The following LARP4B variants were observed in gnomAD, a reference collection of about 807,000 sequenced individuals.
LARP4B encodes La ribonucleoprotein 4B, also known as la-related protein 4B.
A neutral mutation model predicts 89.8 loss-of-function variants in LARP4B; 12 were observed. The ratio of observed to expected loss-of-function variants is 0.13; its 90% CI spans 0.09 to 0.22. The LOEUF (loss-of-function observed/expected upper bound fraction) is 0.22, where lower values mean the gene tolerates loss of function less well. LARP4B is among the 10% of genes least tolerant of loss of function. The pLI is 1.00. For missense variants in LARP4B, 757 were observed against 947.7 expected, an observed-to-expected ratio of 0.80 and a Z score of 2.64; for synonymous variants, 367 against 363.3, an observed-to-expected ratio of 1.01 and a Z score of -0.12.
chr10:814,793 G>A lies in LARP4B; in HGVS notation c.1878C>T (p.Ser626=), dbSNP rs778928735. 13 of 1,605,040 alleles carry A rather than the reference G, an allele frequency of 8.1e-6. No homozygotes were observed. Among genetic ancestry groups the A allele is most frequent in the East Asian group, 6.7e-5 (3 of 44,446 alleles). Residue 626 remains serine, a synonymous_variant, in exon 17 of 18, where the codon TCC becomes TCT. Transcript: ENST00000316157. The surrounding 1 kb of genome is among the most constrained non-coding windows in gnomAD (Gnocchi z 4.4). ...ATTTACACGCGGTCGCAGTGAGGGC[G>A]GAAGGAAGTCTGTCCACACTGTGGG... The part of the protein sequence containing the change: ...RETHSVDRLP[S]ALTATACKSV...
At chr10:907,715 T>C (rs148625504) in intron 1 of LARP4B, among the ~76,000 whole-genome samples, 1 of 152,324 alleles carries the variant, frequency 6.6e-6, no homozygotes, top group East Asian at 1.9e-4. Flanking sequence ...AAATGTCTTT[T>C]TGTATACTAA....
At position 859,215 on chromosome 10, in the gene LARP4B, G is replaced by A. The variant is rs150095471; in HGVS notation, c.430+4528C>T. On this transcript the variant is annotated intron_variant, in intron 5 of 17. Coordinates refer to ENST00000316157, the MANE Select transcript of LARP4B (RefSeq NM_015155.3). ...AATTGCTTGAACCCGGGAGGTGGAC[G>A]TTGTAGTGAGCTGAGATTGCTCCAG... Among the ~76,000 whole-genome samples the A allele has an allele frequency of 7.9e-3, 1,197 of 150,890 alleles. 17 individuals are homozygous for A. The highest frequency in any genetic ancestry group is 0.027 in the African/African-American group (1,126 of 41,060).
At chr10:987,812 G>A in the LARP4B span, 1 of 152,354 alleles carries the variant, frequency 6.6e-6, no homozygotes, top group Non-Finnish European at 1.5e-5. Flanking sequence ...CGCGGAACCA[G>A]CTGCACCTCT....
intron 1 of LARP4B, among the ~76,000 whole-genome samples, chr10:902,795 C>G (rs535401596): frequency 5.4e-4 from 82 of 152,194 alleles, no homozygotes; most frequent in Middle Eastern, 6.8e-3. Flanking sequence ...CAGGTGTGCA[C>G]CACCACACTC....
intron 11 of LARP4B, 150 bp downstream of exon 11, chr10:829,235 T>C (rs1017919355): frequency 2.9e-4 from 197 of 687,346 alleles, no homozygotes; most frequent in East Asian, 1.9e-4. Context: ...TGTTCTCAGC[T>C]ACATTTAAAA....
chr10:978,323 A>G, the LARP4B span, among the ~76,000 whole-genome samples: 1 of 152,122 alleles, frequency 6.6e-6, no homozygotes, highest in African/African-American at 2.4e-5. Flanking sequence ...TTGTAAGTCA[A>G]TTTTCGCATT....
At chr10:895,012 CCT>C (rs1836144095) in intron 1 of LARP4B, among the ~76,000 whole-genome samples, 3 of 152,078 alleles carry the variant, frequency 2.0e-5, no homozygotes, top group African/African-American at 7.2e-5. Flanking sequence ...ACAGTGAAAC[CCT>C]GTCTCTACTA....
At chr10:913,600 A>G (rs921002355) in intron 1 of LARP4B, among the ~76,000 whole-genome samples, 2 of 152,234 alleles carry the variant, frequency 1.3e-5, no homozygotes, top group Admixed American at 6.5e-5. Flanking sequence ...AATTGAGATG[A>G]TGGCTAACTT....
chr10:807,594 G>A (rs903964053), downstream of LARP4B: 2 of 152,362 alleles, frequency 1.3e-5, no homozygotes, highest in African/African-American at 4.8e-5. Context: ...ACGCCTGCAG[G>A]GAGGCCCAGC....
At chr10:929,734 A>C (rs1244024408) in intron 1 of LARP4B, among the ~76,000 whole-genome samples, 1 of 152,222 alleles carries the variant, frequency 6.6e-6, no homozygotes, top group African/African-American at 2.4e-5. Flanking sequence ...AGGCAACACG[A>C]GGGTAACTTC....
intron 1 of LARP4B, among the ~76,000 whole-genome samples, chr10:926,727 A>T (rs1247185999): frequency 1.3e-5 from 2 of 152,238 alleles, no homozygotes; most frequent in Non-Finnish European, 2.9e-5. Flanking sequence ...AAAACTAAGC[A>T]GTACGCTTTC....
At chr10:951,890 A>C in the LARP4B span, among the ~76,000 whole-genome samples, 3 of 147,884 alleles carry the variant, frequency 2.0e-5, no homozygotes. Context: ...AACCTTTAAA[A>C]GGAAGAAATC....
rs1381912743 is a variant in LARP4B, at chr10:863,829, T to C, written c.344A>G (p.Asp115Gly). ...DQGHENAALP[D>G]PQESDPADMN... ...GTCTGCTGGGTCCGACTCCTGCGGG[T>C]CTGGCAATGCGGCATTCTCATGGCC... Residue 115 changes from aspartate (D) to glycine (G), a missense_variant, in exon 5 of 18, where the codon GAC (aspartate) becomes GGC (glycine). This residue lies in a region of LARP4B where 175 missense variants were observed against 187.0 expected (regional missense o/e 0.94). Transcript: ENST00000316157. 1.9e-6 allele frequency: 3 copies of C among 1,613,954 alleles called. No homozygotes were observed. The highest frequency in any genetic ancestry group is 1.7e-6 in the Non-Finnish European group (2 of 1,180,024).
At chr10:967,671 G>A in the LARP4B span, among the ~76,000 whole-genome samples, 10 of 152,164 alleles carry the variant, frequency 6.6e-5, no homozygotes, top group African/African-American at 2.4e-4. Flanking sequence ...TGGGCCAGGC[G>A]GAGGCAACCC....
At chr10:873,478 A>T in intron 3 of LARP4B, 2 of 931,072 alleles carry the variant, frequency 2.1e-6, no homozygotes, top group Non-Finnish European at 2.6e-6. Context: ...GAAAGATTTC[A>T]GGCTTCTGGT....
chr10:842,447 C>T (rs1389969583), intron 7 of LARP4B, among the ~76,000 whole-genome samples: 1 of 152,062 alleles, frequency 6.6e-6, no homozygotes, highest in Non-Finnish European at 1.5e-5. Flanking sequence ...CCGCCCAACT[C>T]GACCTCCAAA....
chr10:916,007 C>A (rs1022954949), intron 1 of LARP4B, among the ~76,000 whole-genome samples: 1 of 151,952 alleles, frequency 6.6e-6, no homozygotes, highest in South Asian at 2.1e-4. Context: ...CAAAAGGAAC[C>A]CCCTGGAAGT....
Position 894,964 on chromosome 10 carries a change from T to G in LARP4B, c.-39-9204A>C, listed in dbSNP as rs1451759717. ...CTTTGGGAGGCCAAGGCGGGCGGAC[T>G]GCCTGAGCTCAGGAGTTTGCGACCA... On this transcript the variant is annotated intron_variant, in intron 1 of 17. Coordinates refer to ENST00000316157, the MANE Select transcript of LARP4B (RefSeq NM_015155.3). Among the ~76,000 whole-genome samples the G allele has an allele frequency of 2.6e-5, 4 of 152,086 alleles. No homozygotes were observed. In the East Asian group the frequency reaches 7.7e-4, roughly 29 times the overall value.
chr10:820,832 C>T lies in LARP4B; in HGVS notation c.1498G>A (p.Gly500Ser). The T allele has an allele frequency of 6.2e-7, 1 of 1,613,806 alleles. No homozygotes were observed. Among genetic ancestry groups the T allele is most frequent in the East Asian group, 2.2e-5 (1 of 44,884 alleles). ...GLGRGRKNSF[G>S]YRKKREEKFT... is the part of the protein sequence containing the mutation. ...TTCTCCTCCCTTTTCTTCCGGTAGCCAAAGGAATTCTTCCTAGAGGAGTGG... is the reference window on the plus strand; with the variant it reads ...TTCTCCTCCCTTTTCTTCCGGTAGCTAAAGGAATTCTTCCTAGAGGAGTGG... Residue 500 changes from glycine to serine, a missense_variant, in exon 14 of 18, where the codon GGC becomes AGC. By Grantham distance (56) the Gly-to-Ser change is moderately conservative. Around this residue, in one of 5 missense-constraint regions of LARP4B, gnomAD observed 387 missense variants for 423.6 expected, o/e 0.91. Transcript: ENST00000316157.
Sources: allele counts gnomAD v4.1 joint callset (sites outside exome capture counted in the v4.1 genomes callset), GRCh38; gene constraint gnomAD v4.1.1; regional missense constraint gnomAD v4.1.1; non-coding constraint Gnocchi (gnomAD v3.1); transcripts MANE v1.5; gene names NCBI Gene and HGNC (gene_info 2026-07-23, HGNC 2026-07-21).